The following SPAG16 variants were observed in gnomAD, a reference collection of about 807,000 sequenced individuals.
SPAG16 encodes the protein sperm associated antigen 16, also known as sperm-associated antigen 16 protein.
Under a neutral mutation model 80.4 loss-of-function variants are expected in SPAG16, and 86 were observed. The ratio of observed to expected loss-of-function variants is 1.07; its 90% CI spans 0.90 to 1.28. The LOEUF (loss-of-function observed/expected upper bound fraction) is 1.28, where lower values mean the gene tolerates loss of function less well. Ranked by LOEUF, SPAG16 falls within the 50% of genes most tolerant of loss-of-function variation. The probability of loss-of-function intolerance (pLI) is 0.00; values close to 1 mark genes in which losing one functional copy is unlikely to be tolerated. For synonymous variants in SPAG16, 294 were observed against 265.9 expected, an observed-to-expected ratio of 1.11 and a Z score of -1.03; for missense variants, 870 against 765.3, an observed-to-expected ratio of 1.14 and a Z score of -1.61.
At chr2:213,475,206 G>T (rs1477827064) in intron 9 of SPAG16, among the ~76,000 whole-genome samples, 1 of 152,046 alleles carries the variant, frequency 6.6e-6, no homozygotes. Context: ...CTATATAACT[G>T]TCCGGGTCAT....
intron 13 of SPAG16, among the ~76,000 whole-genome samples, chr2:214,037,872 TGTGTGTGTGTG>T (rs1377701991): frequency 1.0e-5 from 1 of 96,428 alleles, no homozygotes; most frequent in Non-Finnish European, 3.0e-5. Flanking sequence ...CTGGTGTGTG[TGTGTGTGTGTG>T]TGTGTGTGTG....
At chr2:213,798,212 G>A (rs1028802215) in intron 10 of SPAG16, among the ~76,000 whole-genome samples, 41 of 152,156 alleles carry the variant, frequency 2.7e-4, no homozygotes, top group African/African-American at 9.2e-4. Context: ...TCCCTTATCA[G>A]ACTTATGACT....
chr2:213,365,100 G>T (rs576820432), intron 8 of SPAG16: 1 of 152,258 alleles, frequency 6.6e-6, no homozygotes, highest in East Asian at 1.9e-4. Flanking sequence ...GCCAAAAATG[G>T]AACTGCCTTC....
At chr2:213,833,466 TATATATA>T (rs1489991177) in intron 10 of SPAG16, among the ~76,000 whole-genome samples, 349 of 9,894 alleles carry the variant, frequency 0.035, 109 homozygotes, top group East Asian at 0.24. Context: ...ATATATATAT[TATATATA>T]ATAATATATA....
intron 8 of SPAG16, among the ~76,000 whole-genome samples, chr2:213,371,240 A>G (rs1466733004): frequency 6.6e-6 from 1 of 151,978 alleles, no homozygotes; most frequent in African/African-American, 2.4e-5. Flanking sequence ...AACCCCGTCT[A>G]CTAAAAATAC....
Position 213,507,554 on chromosome 2 carries a change from T to G in SPAG16, c.1070+17464T>G, listed in dbSNP as rs368607082. On this transcript the variant is annotated intron_variant, in intron 10 of 15. Transcript: ENST00000331683. ...TCCTCAGTAGATGATAGTCTTTCAT[T>G]TTGCCTATTTAGAATAGGCAGCCCT... Among the ~76,000 whole-genome samples, 19 of 152,320 alleles carry G rather than the reference T, an allele frequency of 1.2e-4. No individual in the cohort carries two copies. The East Asian group carries it at 3.3e-3, about 26-fold the overall frequency.
Position 213,407,015 on chromosome 2 carries a change from A to G in SPAG16, c.942+31896A>G, listed in dbSNP as rs373821331. Among the ~76,000 whole-genome samples the G allele has an allele frequency of 5.7e-4, 86 of 150,984 alleles. No homozygotes were observed. In the Middle Eastern group the frequency reaches 0.01, roughly 18 times the overall value. On this transcript the variant is annotated intron_variant, in intron 9 of 15. Coordinates refer to ENST00000331683, the MANE Select transcript of SPAG16 (RefSeq NM_024532.5). Reference sequence around the variant, plus strand: ...AGGACTCTCACATACTGCGGCGACCACTCTGTGCACAGACCAAGGAAGGAG... The same window carrying G: ...AGGACTCTCACATACTGCGGCGACCGCTCTGTGCACAGACCAAGGAAGGAG...
chr2:214,310,495 T>C (rs1198300784), intron 15 of SPAG16, among the ~76,000 whole-genome samples: 1 of 136,750 alleles, frequency 7.3e-6, no homozygotes, highest in African/African-American at 3.7e-5. Context: ...GGTTTTTGTT[T>C]TGTTTTTGGT....
At chr2:213,515,223 T>C (rs1191036288) in intron 10 of SPAG16, among the ~76,000 whole-genome samples, 1 of 152,156 alleles carries the variant, frequency 6.6e-6, no homozygotes, top group Non-Finnish European at 1.5e-5. Flanking sequence ...TTAAATTAGG[T>C]CTTTCTTGGA....
intron 11 of SPAG16, among the ~76,000 whole-genome samples, chr2:213,871,418 T>C (rs1303864033): frequency 6.6e-6 from 1 of 152,040 alleles, no homozygotes; most frequent in Non-Finnish European, 1.5e-5. Context: ...GAGTGAACTC[T>C]TTTATGTTTT....
chr2:214,047,809 C>T (rs1366606578), intron 13 of SPAG16, among the ~76,000 whole-genome samples: 2 of 152,088 alleles, frequency 1.3e-5, no homozygotes, highest in Admixed American at 6.6e-5. Flanking sequence ...GTATTAGTAA[C>T]TAGAATATAT....
chr2:213,465,681 G>C (rs2072646287), intron 9 of SPAG16, among the ~76,000 whole-genome samples: 1 of 152,184 alleles, frequency 6.6e-6, no homozygotes, highest in African/African-American at 2.4e-5. Flanking sequence ...AAATGGCTAA[G>C]TTCTTCCCCA....
intron 10 of SPAG16, among the ~76,000 whole-genome samples, chr2:213,809,581 T>A (rs940478906): frequency 1.3e-5 from 2 of 152,186 alleles, no homozygotes; most frequent in Non-Finnish European, 2.9e-5. Context: ...AAATAACTGA[T>A]GTTCTCAATT....
chr2:214,133,088 A>G (rs1012504765), intron 14 of SPAG16, among the ~76,000 whole-genome samples: 1 of 147,712 alleles, frequency 6.8e-6, no homozygotes, highest in Non-Finnish European at 1.5e-5. Flanking sequence ...GTGAAACTCC[A>G]TCTCAAATAA....
intron 10 of SPAG16, among the ~76,000 whole-genome samples, chr2:213,623,952 A>C (rs1473885474): frequency 6.6e-6 from 1 of 152,058 alleles, no homozygotes; most frequent in African/African-American, 2.4e-5. Flanking sequence ...CATATTTAAC[A>C]ATGTAATAAA....
intron 10 of SPAG16, among the ~76,000 whole-genome samples, chr2:213,760,546 C>T (rs1460673739): frequency 1.3e-5 from 2 of 150,166 alleles, no homozygotes; most frequent in African/African-American, 4.9e-5. Context: ...AAATGCAATA[C>T]ATTAAAAAAA....
At chr2:213,980,165 T>G (rs2106410565) in intron 12 of SPAG16, among the ~76,000 whole-genome samples, 1 of 149,234 alleles carries the variant, frequency 6.7e-6, no homozygotes, top group East Asian at 2.0e-4. Context: ...GCCAACATGG[T>G]GAAACCCCGT....
chr2:214,135,377 C>T (rs1028396854), intron 14 of SPAG16, among the ~76,000 whole-genome samples: 2 of 152,146 alleles, frequency 1.3e-5, no homozygotes, highest in Non-Finnish European at 2.9e-5. Flanking sequence ...TTTGTTAATA[C>T]ATGTGGTACT....
intron 11 of SPAG16, among the ~76,000 whole-genome samples, chr2:213,915,126 CCT>C (rs2077892442): frequency 7.1e-6 from 1 of 140,416 alleles, no homozygotes; most frequent in South Asian, 2.5e-4. Flanking sequence ...ACTCCCCCCA[CCT>C]CTTTTTTTTT....
Sources: gnomAD v4.1 joint callset for allele counts (sites outside exome capture counted in the v4.1 genomes callset) on GRCh38, gnomAD v4.1.1 for gene constraint, MANE v1.5 for transcripts, NCBI Gene and HGNC (gene_info 2026-07-23, HGNC 2026-07-21) for gene names.